The following HS6ST3 variants were observed in gnomAD, a reference collection of about 807,000 sequenced individuals.
HS6ST3 encodes the protein heparan-sulfate 6-O-sulfotransferase 3.
Under a neutral mutation model 36.7 loss-of-function variants are expected in HS6ST3, and 12 were observed. The observed-to-expected ratio is 0.33, with a 90% CI of 0.21 to 0.53. HS6ST3 has a LOEUF of 0.53. Ranked by LOEUF, HS6ST3 falls within the 20% of genes least tolerant of loss-of-function variation. The pLI is 0.95. For missense variants in HS6ST3, 584 were observed against 640.9 expected (o/e 0.91, Z 0.96); for synonymous variants, 240 against 257.5 (o/e 0.93, Z 0.65).
chr13:96,778,761 C>T (rs988790000), intron 1 of HS6ST3, among the ~76,000 whole-genome samples: 15 of 152,202 alleles, frequency 9.9e-5, no homozygotes, highest in East Asian at 1.9e-4. Flanking sequence ...AGAAGTGTGG[C>T]GATTTGTCAA....
chr13:96,486,808 G>A (rs1188485063), intron 1 of HS6ST3, among the ~76,000 whole-genome samples: 1 of 152,084 alleles, frequency 6.6e-6, no homozygotes, highest in Admixed American at 6.6e-5. Flanking sequence ...CCTGAAATGA[G>A]AACAGCCTTG....
In HS6ST3 at chr13:96,385,798, T is replaced by A. The variant is rs548981791; in HGVS notation, c.707+294229T>A. 1.2e-4 allele frequency among the ~76,000 whole-genome samples: 19 copies of A among 152,328 alleles called. No homozygotes were observed. In the South Asian group the frequency reaches 3.9e-3, roughly 32 times the overall value. ...TGCTTAGTATTTTAGGTACTGTAAT[T>A]TGCATGAATTATCTTATTTCATTAA... On this transcript the variant is annotated intron_variant, in intron 1 of 1. Coordinates refer to ENST00000376705, the MANE Select transcript of HS6ST3 (RefSeq NM_153456.4).
intron 1 of HS6ST3, among the ~76,000 whole-genome samples, chr13:96,532,294 A>G (rs2056138734): frequency 6.6e-6 from 1 of 152,224 alleles, no homozygotes; most frequent in African/African-American, 2.4e-5. Context: ...CTGCAACTGT[A>G]CTTTGATATA....
rs534664725 is a variant in HS6ST3, at chr13:96,568,493, G to A, written c.708-263997G>A. 5.3e-5 allele frequency among the ~76,000 whole-genome samples: 8 copies of A among 152,240 alleles called. No individual in the cohort carries two copies. The East Asian group carries it at 1.2e-3, about 22-fold the overall frequency. On this transcript the variant is annotated intron_variant, in intron 1 of 1. Coordinates refer to ENST00000376705, the MANE Select transcript of HS6ST3 (RefSeq NM_153456.4). ...TGTTGGTCAGGCTGGTCCTGACCTC[G>A]TGATCTGCCCGCCTCGGCCTCCCAA...
intron 1 of HS6ST3, among the ~76,000 whole-genome samples, chr13:96,759,885 T>G (rs1399961322): frequency 6.6e-6 from 1 of 152,042 alleles, no homozygotes; most frequent in Non-Finnish European, 1.5e-5. Flanking sequence ...CTTCAATTAC[T>G]CCTTATTCCA....
intron 1 of HS6ST3, among the ~76,000 whole-genome samples, chr13:96,353,735 A>G (rs1391860934): frequency 6.6e-6 from 1 of 152,208 alleles, no homozygotes; most frequent in Non-Finnish European, 1.5e-5. Context: ...TTCCTTACGT[A>G]TAAAGAGTTC....
intron 1 of HS6ST3, among the ~76,000 whole-genome samples, chr13:96,375,201 C>T (rs761138603): frequency 1.3e-4 from 20 of 152,116 alleles, no homozygotes; most frequent in African/African-American, 4.1e-4. Flanking sequence ...ACACCACCCT[C>T]GTAAAGGGTG....
intron 1 of HS6ST3, among the ~76,000 whole-genome samples, chr13:96,502,101 T>C (rs2056006840): frequency 6.6e-6 from 1 of 152,184 alleles, no homozygotes; most frequent in Non-Finnish European, 1.5e-5. Flanking sequence ...ACTAACAATG[T>C]TCTAGTGACC....
intron 1 of HS6ST3, among the ~76,000 whole-genome samples, chr13:96,709,179 C>A (rs1047260522): frequency 3.3e-5 from 5 of 152,182 alleles, no homozygotes; most frequent in Admixed American, 2.0e-4. Flanking sequence ...CTCTCTCCTG[C>A]CTCCTTGTGA....
intron 1 of HS6ST3, among the ~76,000 whole-genome samples, chr13:96,674,228 T>C (rs1454695262): frequency 1.3e-5 from 2 of 152,028 alleles, no homozygotes; most frequent in Non-Finnish European, 2.9e-5. Context: ...GCTCCCCCCA[T>C]GTAAAACAGG....
chr13:96,623,920 A>G (rs2056503661), intron 1 of HS6ST3, among the ~76,000 whole-genome samples: 1 of 152,236 alleles, frequency 6.6e-6, no homozygotes, highest in Admixed American at 6.5e-5. Flanking sequence ...TTTCCATGAT[A>G]GGAAACAGCC....
chr13:96,098,341 A>C (rs2139293349), intron 1 of HS6ST3, among the ~76,000 whole-genome samples: 1 of 152,336 alleles, frequency 6.6e-6, no homozygotes, highest in Middle Eastern at 3.4e-3. Context: ...CTAGATTACT[A>C]CTGGTCAAGG....
At chr13:96,732,109 G>A (rs1876170669) in intron 1 of HS6ST3, among the ~76,000 whole-genome samples, 2 of 152,172 alleles carry the variant, frequency 1.3e-5, no homozygotes, top group African/African-American at 4.8e-5. Flanking sequence ...TCTAACTGGA[G>A]TGCGATATCT....
chr13:96,317,792 A>T (rs528289764), intron 1 of HS6ST3, among the ~76,000 whole-genome samples: 1 of 148,250 alleles, frequency 6.7e-6, no homozygotes, highest in African/African-American at 2.5e-5. Flanking sequence ...TGTGGTTTTG[A>T]TTTGCATTTC....
intron 1 of HS6ST3, among the ~76,000 whole-genome samples, chr13:96,329,137 C>T (rs1403579141): frequency 5.4e-5 from 8 of 148,740 alleles, no homozygotes; most frequent in Admixed American, 1.3e-4. Flanking sequence ...AACCAGCTCC[C>T]GGATTCATTA....
chr13:96,642,105 G>C (rs2056572335), intron 1 of HS6ST3, among the ~76,000 whole-genome samples: 1 of 151,400 alleles, frequency 6.6e-6, no homozygotes, highest in Non-Finnish European at 1.5e-5. Context: ...AAGGGGGGAG[G>C]GATGTCTTAA....
chr13:96,801,116 A>G lies in HS6ST3; in HGVS notation c.708-31374A>G, dbSNP rs1394700648. ...CAGTTGTCCACTCCCTCCATCCTCC[A>G]TGAATGCTTCTTCTCTTGGCTTTTC... On this transcript the variant is annotated intron_variant, in intron 1 of 1. Transcript: ENST00000376705. 1.3e-5 allele frequency among the ~76,000 whole-genome samples: 2 copies of G among 151,992 alleles called. 1 individual carries two copies.
At chr13:96,416,735 C>T (rs1371362551) in intron 1 of HS6ST3, among the ~76,000 whole-genome samples, 1 of 149,974 alleles carries the variant, frequency 6.7e-6, no homozygotes, top group Admixed American at 6.6e-5. Flanking sequence ...TGCTTATCAG[C>T]AGAGGCATAG....
intron 1 of HS6ST3, among the ~76,000 whole-genome samples, chr13:96,741,871 G>A (rs1262910893): frequency 2.6e-5 from 4 of 152,162 alleles, no homozygotes; most frequent in African/African-American, 7.2e-5. Flanking sequence ...ATAGATGGAT[G>A]AATTCAGCAC....
Sources: gnomAD v4.1 joint callset for allele counts (sites outside exome capture counted in the v4.1 genomes callset) on GRCh38, gnomAD v4.1.1 for gene constraint, MANE v1.5 for transcripts, NCBI Gene and HGNC (gene_info 2026-07-23, HGNC 2026-07-21) for gene names.